The following TMTC2 variants were observed in gnomAD, a reference collection of about 807,000 sequenced individuals.
TMTC2 encodes transmembrane O-mannosyltransferase targeting cadherins 2.
TMTC2 carries 43 observed loss-of-function variants against 82.4 expected under a neutral mutation model. That is an observed-to-expected ratio of 0.52 (90% CI 0.41 to 0.67). The LOEUF (loss-of-function observed/expected upper bound fraction) is 0.67. TMTC2 is among the 30% of genes least tolerant of loss of function. The pLI is 0.00. For synonymous variants in TMTC2, 408 were observed against 381.9 expected, an observed-to-expected ratio of 1.07 and a Z score of -0.80; for missense variants, 919 against 1,012.4, an observed-to-expected ratio of 0.91 and a Z score of 1.25.
chr12:83,094,035 C>T (rs529754049), intron 11 of TMTC2, among the ~76,000 whole-genome samples: 263 of 152,278 alleles, frequency 1.7e-3, no homozygotes, highest in Non-Finnish European at 3.1e-3. Flanking sequence ...TGTGCCAATG[C>T]CAGGCACCAT....
intron 1 of TMTC2, among the ~76,000 whole-genome samples, chr12:82,776,418 T>A (rs921099527): frequency 1.3e-5 from 2 of 151,954 alleles, no homozygotes; most frequent in African/African-American, 4.8e-5. Flanking sequence ...TCCTGCTTGG[T>A]ATTTAGTTTG....
intron 8 of TMTC2, among the ~76,000 whole-genome samples, chr12:82,996,292 A>T (rs143180423): frequency 3.4e-4 from 52 of 152,300 alleles, no homozygotes; most frequent in African/African-American, 1.1e-3. Flanking sequence ...CCACACTGAA[A>T]GGGGTGAGGG....
At chr12:82,712,372 G>A (rs1054179122) in intron 1 of TMTC2, among the ~76,000 whole-genome samples, 7 of 143,712 alleles carry the variant, frequency 4.9e-5, no homozygotes, top group African/African-American at 1.8e-4. Context: ...GGAGGTTGCA[G>A]TGAGCCAAGA....
At chr12:82,800,669 GA>G (rs1475244840) in intron 1 of TMTC2, among the ~76,000 whole-genome samples, 2 of 152,150 alleles carry the variant, frequency 1.3e-5, no homozygotes, top group African/African-American at 4.8e-5. Context: ...TAAGAGCTTG[GA>G]AATGTATGAC....
intron 8 of TMTC2, among the ~76,000 whole-genome samples, chr12:82,998,799 G>GA (rs905054377): frequency 6.6e-6 from 1 of 151,244 alleles, no homozygotes; most frequent in East Asian, 1.9e-4. Context: ...ATTCCAACAT[G>GA]AAAAAAAATA....
chr12:83,089,629 A>G (rs1643186233), intron 11 of TMTC2, among the ~76,000 whole-genome samples: 1 of 152,152 alleles, frequency 6.6e-6, no homozygotes, highest in Admixed American at 6.5e-5. Flanking sequence ...GGAGTGTAAG[A>G]ACAAAAACAT....
At chr12:83,032,417 T>TA (rs993978926) in intron 9 of TMTC2, among the ~76,000 whole-genome samples, 29 of 151,132 alleles carry the variant, frequency 1.9e-4, no homozygotes, top group Non-Finnish European at 3.2e-4. Context: ...CTTCTACTTA[T>TA]AAAAAAAAGT....
At chr12:82,845,688 T>C (rs1367015190) in intron 1 of TMTC2, among the ~76,000 whole-genome samples, 1 of 152,152 alleles carries the variant, frequency 6.6e-6, no homozygotes, top group Non-Finnish European at 1.5e-5. Context: ...ATATTTATAC[T>C]GTTTTTCATC....
intron 4 of TMTC2, among the ~76,000 whole-genome samples, chr12:82,944,710 A>G (rs1239526509): frequency 6.6e-6 from 1 of 152,174 alleles, no homozygotes; most frequent in Non-Finnish European, 1.5e-5. Flanking sequence ...AAAACCATGT[A>G]CTATAGAGAA....
chr12:83,021,803 G>GT (rs1264688168), intron 8 of TMTC2: 2 of 151,976 alleles, frequency 1.3e-5, no homozygotes, highest in African/African-American at 4.8e-5. Flanking sequence ...AAAATCTAGG[G>GT]TGTTTTCTAA....
At chr12:82,911,324 T>G (rs1208433745) in intron 3 of TMTC2, among the ~76,000 whole-genome samples, 2 of 151,938 alleles carry the variant, frequency 1.3e-5, no homozygotes, top group Admixed American at 1.3e-4. Flanking sequence ...CATGCCCTCC[T>G]CTACCCAGCC....
chr12:82,767,277 T>TA (rs1162637034), intron 1 of TMTC2, among the ~76,000 whole-genome samples: 1 of 152,236 alleles, frequency 6.6e-6, no homozygotes. Context: ...CTTAAGTTCT[T>TA]ACACTTTAAA....
Position 82,986,025 on chromosome 12 carries a change from T to C in TMTC2, c.2049T>C (p.Tyr683=), listed in dbSNP as rs765817733. 3.4e-5 allele frequency: 55 copies of C among 1,613,906 alleles called. No individual in the cohort carries two copies. Among genetic ancestry groups the C allele is most frequent in the Non-Finnish European group, 4.6e-5 (54 of 1,179,940 alleles). ...KTDHIPAHLT[Y]GKLLALTGRK... ...ACCACATCCCTGCTCATCTCACCTATGGGAAGCTGCTAGCTCTAACAGTGA... is the reference window on the plus strand; with the variant it reads ...ACCACATCCCTGCTCATCTCACCTACGGGAAGCTGCTAGCTCTAACAGTGA... The change falls in exon 8 of 12, where the codon TAT becomes TAC. Residue 683 remains tyrosine (Y), a synonymous_variant. Coordinates refer to ENST00000321196, the MANE Select transcript of TMTC2 (RefSeq NM_152588.3).
chr12:82,911,178 C>T (rs562227297), intron 3 of TMTC2, among the ~76,000 whole-genome samples: 39 of 152,168 alleles, frequency 2.6e-4, no homozygotes, highest in South Asian at 8.3e-4. Context: ...CTGCGCCCGG[C>T]GGGTCTCGGG....
chr12:83,027,460 C>T (rs2137416573), intron 8 of TMTC2, among the ~76,000 whole-genome samples: 1 of 152,202 alleles, frequency 6.6e-6, no homozygotes. Context: ...GGATGTACAG[C>T]AGGTCCTTGA....
At chr12:82,910,077 T>C (rs1261012944) in intron 3 of TMTC2, among the ~76,000 whole-genome samples, 2 of 152,186 alleles carry the variant, frequency 1.3e-5, no homozygotes, top group South Asian at 2.1e-4. Flanking sequence ...GACAAACACC[T>C]GTCTTAGTTT....
intron 4 of TMTC2, among the ~76,000 whole-genome samples, chr12:82,961,302 C>A (rs1287290478): frequency 6.6e-6 from 1 of 151,508 alleles, no homozygotes; most frequent in African/African-American, 2.4e-5. Flanking sequence ...TTTTCTCAAT[C>A]TAGAAAATAA....
At position 82,985,933 on chromosome 12, in the gene TMTC2, T is replaced by C. The variant is rs1224288781; in HGVS notation, c.1957T>C (p.Tyr653His). 6.2e-7 allele frequency: 1 copy of C among 1,613,644 alleles called. No homozygotes were observed. The highest frequency in any genetic ancestry group is 8.5e-7 in the Non-Finnish European group (1 of 1,179,674). ...ATTAATTCTCTTTCCAGGTGAAGCA[T>C]ATATGCGTTTAAGCAAACTCCCCGA... The part of the protein sequence containing the change: ...QSLYNMMGEA[Y>H]MRLSKLPEAE... Residue 653 changes from tyrosine (Y) to histidine (H), a missense_variant, in exon 8 of 12, where the codon TAT (tyrosine) becomes CAT (histidine). Tyr to His is a moderately conservative substitution (Grantham distance 83). Transcript: ENST00000321196.
intron 7 of TMTC2, among the ~76,000 whole-genome samples, chr12:82,981,730 C>T (rs539592087): frequency 1.3e-5 from 2 of 151,814 alleles, no homozygotes; most frequent in East Asian, 1.9e-4. Context: ...GTCCTATTCC[C>T]GACCAAGTGT....
Sources: gnomAD v4.1 joint callset for allele counts (sites outside exome capture counted in the v4.1 genomes callset) on GRCh38, gnomAD v4.1.1 for gene constraint, MANE v1.5 for transcripts, NCBI Gene and HGNC (gene_info 2026-07-23, HGNC 2026-07-21) for gene names.